The following MITF variants were observed in gnomAD, a reference collection of about 807,000 sequenced individuals.
MITF encodes melanocyte inducing transcription factor, also known as microphthalmia-associated transcription factor.
Under a neutral mutation model 60.5 loss-of-function variants are expected in MITF, and 17 were observed. That is an observed-to-expected ratio of 0.28 (90% CI 0.19 to 0.42). The LOEUF is 0.42. Among genes scored for constraint, MITF ranks in the 10% least tolerant of loss-of-function variants. The pLI is 1.00. For missense variants in MITF, 622 were observed against 683.5 expected, an observed-to-expected ratio of 0.91 and a Z score of 1.00; for synonymous variants, 260 against 248.5, an observed-to-expected ratio of 1.05 and a Z score of -0.43.
intron 8 of MITF, 76 bp downstream of exon 8, chr3:69,956,606 C>G: frequency 7.8e-7 from 1 of 1,278,138 alleles, no homozygotes; most frequent in Non-Finnish European, 1.1e-6. Flanking sequence ...GTAAAAAATG[C>G]AGTTGTAAAA....
chr3:69,904,432 G>A (rs756694992), intron 2 of MITF, among the ~76,000 whole-genome samples: 16 of 152,040 alleles, frequency 1.1e-4, no homozygotes, highest in East Asian at 3.9e-4. Flanking sequence ...AATTTCTTCC[G>A]TGTGTCTTCT....
intron 1 of MITF, among the ~76,000 whole-genome samples, chr3:69,838,000 A>G (rs1002742756): frequency 6.6e-6 from 1 of 152,212 alleles, no homozygotes; most frequent in Non-Finnish European, 1.5e-5. Context: ...TCAAATTGCC[A>G]GCAGTGATTA....
chr3:69,854,967 C>T (rs565906216), intron 1 of MITF, among the ~76,000 whole-genome samples: 4 of 152,260 alleles, frequency 2.6e-5, no homozygotes, highest in African/African-American at 9.6e-5. Flanking sequence ...TACTTCCCTG[C>T]TGCCCCATCC....
intron 7 of MITF, among the ~76,000 whole-genome samples, chr3:69,953,643 G>T (rs374345435): frequency 7.7e-6 from 1 of 129,382 alleles, no homozygotes; most frequent in Non-Finnish European, 1.6e-5. Flanking sequence ...ATATATATAT[G>T]TATGTATATA....
intron 1 of MITF, among the ~76,000 whole-genome samples, chr3:69,806,233 C>A (rs1428470272): frequency 6.6e-6 from 1 of 151,878 alleles, no homozygotes; most frequent in Non-Finnish European, 1.5e-5. Flanking sequence ...TACAGGTACC[C>A]ACCACTATGC....
At chr3:69,780,204 G>A (rs1040515421) in intron 1 of MITF, among the ~76,000 whole-genome samples, 10 of 152,172 alleles carry the variant, frequency 6.6e-5, no homozygotes, top group Non-Finnish European at 1.2e-4. Context: ...TAGGCTGGAC[G>A]AGACAGTGAG....
At chr3:69,876,748 A>G (rs2064363223) in intron 1 of MITF, among the ~76,000 whole-genome samples, 1 of 152,164 alleles carries the variant, frequency 6.6e-6, no homozygotes, top group East Asian at 1.9e-4. Flanking sequence ...TTGCCAATGT[A>G]CTGGATATAT....
intron 1 of MITF, among the ~76,000 whole-genome samples, chr3:69,767,056 A>G (rs2062308075): frequency 6.6e-6 from 1 of 152,246 alleles, no homozygotes; most frequent in African/African-American, 2.4e-5. Flanking sequence ...ATTAATAGAT[A>G]GAACTTAATG....
chr3:69,826,669 A>G (rs911577159), intron 1 of MITF, among the ~76,000 whole-genome samples: 2 of 152,188 alleles, frequency 1.3e-5, no homozygotes, highest in Admixed American at 1.3e-4. Flanking sequence ...CTCATTGGCA[A>G]TGGGCTTACT....
intron 2 of MITF, among the ~76,000 whole-genome samples, chr3:69,890,347 A>G (rs746535612): frequency 3.3e-5 from 5 of 152,124 alleles, no homozygotes; most frequent in Non-Finnish European, 5.9e-5. Flanking sequence ...CATCTTACTC[A>G]TACTCTCAAT....
chr3:69,959,137 A>AC (rs1258463416), intron 8 of MITF, 136 bp from the exon 9 acceptor site: 3 of 1,038,072 alleles, frequency 2.9e-6, no homozygotes, highest in Non-Finnish European at 4.2e-6. Context: ...GTAACCAAGC[A>AC]CCACCTGTTC....
chr3:69,957,697 A>G (rs2066433700), intron 8 of MITF, among the ~76,000 whole-genome samples: 1 of 152,216 alleles, frequency 6.6e-6, no homozygotes, highest in Non-Finnish European at 1.5e-5. Flanking sequence ...TTTAAACTGT[A>G]GCATGTGAAT....
At chr3:69,855,376 G>C (rs1216139400) in intron 1 of MITF, among the ~76,000 whole-genome samples, 1 of 151,216 alleles carries the variant, frequency 6.6e-6, no homozygotes, top group Non-Finnish European at 1.5e-5. Context: ...ATACCAATGA[G>C]TTACAAGATT....
At chr3:69,929,241 G>A (rs1157845625) in intron 2 of MITF, among the ~76,000 whole-genome samples, 3 of 152,204 alleles carry the variant, frequency 2.0e-5, no homozygotes, top group Non-Finnish European at 4.4e-5. Context: ...AATACTTGCT[G>A]AGTGCCCACA....
At chr3:69,744,871 T>G (rs1703663343) in intron 1 of MITF, among the ~76,000 whole-genome samples, 1 of 152,238 alleles carries the variant, frequency 6.6e-6, no homozygotes, top group Non-Finnish European at 1.5e-5. Context: ...AATTTTGACA[T>G]TAGTGTATCC....
chr3:69,825,351 G>A (rs2063337677), intron 1 of MITF, among the ~76,000 whole-genome samples: 1 of 152,170 alleles, frequency 6.6e-6, no homozygotes. Context: ...CTGGAAGTTT[G>A]CCATTATCTG....
intron 2 of MITF, among the ~76,000 whole-genome samples, chr3:69,935,169 T>A (rs1159246676): frequency 1.3e-5 from 2 of 152,216 alleles, no homozygotes; most frequent in Non-Finnish European, 2.9e-5. Flanking sequence ...GGAGATGTTC[T>A]GTCTACTGCA....
intron 4 of MITF, 48 bp from the exon 5 acceptor site, chr3:69,941,188 C>A: frequency 8.0e-7 from 1 of 1,250,998 alleles, no homozygotes; most frequent in Non-Finnish European, 1.2e-6. Flanking sequence ...GGTTGTGTTG[C>A]ATAGTTTATT....
At chr3:69,962,650 G>A (rs960482801) in intron 9 of MITF, among the ~76,000 whole-genome samples, 1 of 152,132 alleles carries the variant, frequency 6.6e-6, no homozygotes, top group African/African-American at 2.4e-5. Context: ...AACCGTGGAA[G>A]GGATAGCATT....
Sources: allele counts gnomAD v4.1 joint callset (sites outside exome capture counted in the v4.1 genomes callset), GRCh38; gene constraint gnomAD v4.1.1; transcripts MANE v1.5; gene names NCBI Gene and HGNC (gene_info 2026-07-23, HGNC 2026-07-21).